ITFG1: variants seen among roughly 807,000 people sequenced by gnomAD.
The protein encoded by ITFG1 is integrin alpha FG-GAP repeat containing 1, also known as T-cell immunomodulatory protein.
Under a neutral mutation model 81.8 loss-of-function variants are expected in ITFG1, and 34 were observed. The ratio of observed to expected loss-of-function variants is 0.42; its 90% CI spans 0.32 to 0.55. The LOEUF is 0.55. Among genes scored for constraint, ITFG1 ranks in the 20% least tolerant of loss-of-function variants. The pLI is 0.17. For missense variants in ITFG1, 672 were observed against 755.4 expected (o/e 0.89, Z 1.29); for synonymous variants, 285 against 270.6 (o/e 1.05, Z -0.52).
intron 8 of ITFG1, among the ~76,000 whole-genome samples, chr16:47,337,494 C>T (rs144884151): frequency 9.4e-4 from 143 of 152,044 alleles, no homozygotes; most frequent in East Asian, 7.6e-3. Context: ...CACCTGAAAC[C>T]GGGAGGTGGA....
intron 6 of ITFG1, among the ~76,000 whole-genome samples, chr16:47,414,524 G>A (rs1024124817): frequency 3.3e-5 from 5 of 150,832 alleles, no homozygotes; most frequent in South Asian, 2.1e-4. Context: ...AGACTCTGTC[G>A]TAAAACAAAA....
chr16:47,419,038 T>G (rs1968908159), intron 6 of ITFG1, among the ~76,000 whole-genome samples: 1 of 152,236 alleles, frequency 6.6e-6, no homozygotes, highest in African/African-American at 2.4e-5. Context: ...AGATATCTAT[T>G]TTTAATCTAC....
chr16:47,238,594 T>C (rs1965900357), intron 12 of ITFG1, among the ~76,000 whole-genome samples: 1 of 152,146 alleles, frequency 6.6e-6, no homozygotes, highest in Non-Finnish European at 1.5e-5. Flanking sequence ...TTTATCTAAA[T>C]AATATGAGTT....
chr16:47,394,999 G>A (rs2151597138), intron 6 of ITFG1, among the ~76,000 whole-genome samples: 1 of 152,194 alleles, frequency 6.6e-6, no homozygotes, highest in Non-Finnish European at 1.5e-5. Context: ...TATACAATAT[G>A]AAGAGTCCAT....
In ITFG1 at chr16:47,365,671, T is replaced by C. The variant is rs138389577; in HGVS notation, c.802+117A>G. The C allele has an allele frequency of 7.7e-5, 48 of 620,580 alleles. No homozygotes were observed. The East Asian group carries it at 1.1e-3, about 15-fold the overall frequency. The allele number at this position is 620,580 out of a possible 1,614,324, so 38.4% of individuals were successfully genotyped here. A position where few individuals can be genotyped will look rare whatever the true frequency, so the allele number is the denominator to read the frequency against. On this transcript the variant is annotated intron_variant, in intron 8 of 17. Coordinates refer to ENST00000320640, the MANE Select transcript of ITFG1 (RefSeq NM_030790.5). ...GAATAGGCATCTTTTGAAGCTATAA[T>C]AGCTCTGAAGACCCTGGAGTTATTT...
At chr16:47,223,368 T>C (rs1965717026) in intron 13 of ITFG1, among the ~76,000 whole-genome samples, 2 of 152,018 alleles carry the variant, frequency 1.3e-5, no homozygotes, top group African/African-American at 4.8e-5. Context: ...GAATCTACAA[T>C]GAACTCAAAC....
chr16:47,195,456 AT>A (rs1965346663), intron 14 of ITFG1, among the ~76,000 whole-genome samples: 1 of 152,178 alleles, frequency 6.6e-6, no homozygotes, highest in African/African-American at 2.4e-5. Context: ...ATATGCCACA[AT>A]CACCTAGTAC....
intron 12 of ITFG1, among the ~76,000 whole-genome samples, chr16:47,240,392 C>A (rs569573467): frequency 2.0e-5 from 3 of 151,202 alleles, no homozygotes; most frequent in South Asian, 2.1e-4. Flanking sequence ...TACCTCCCTA[C>A]GTAAAATGTA....
At chr16:47,407,545 C>T (rs1968744224) in intron 6 of ITFG1, among the ~76,000 whole-genome samples, 1 of 152,076 alleles carries the variant, frequency 6.6e-6, no homozygotes, top group African/African-American at 2.4e-5. Flanking sequence ...TAGGGTTTTG[C>T]CATGTTGGCC....
At chr16:47,415,296 G>A (rs777567875) in intron 6 of ITFG1, among the ~76,000 whole-genome samples, 2 of 152,148 alleles carry the variant, frequency 1.3e-5, no homozygotes, top group Non-Finnish European at 2.9e-5. Flanking sequence ...GTCGACTTTA[G>A]GTAACAGATG....
At chr16:47,203,257 C>T (rs931938118) in intron 14 of ITFG1, among the ~76,000 whole-genome samples, 3 of 152,142 alleles carry the variant, frequency 2.0e-5, no homozygotes, top group Admixed American at 6.5e-5. Context: ...AGACAAATAC[C>T]GTGTGATTCC....
rs1327616272 is a variant in ITFG1 at position 47,293,103 on chromosome 16, TATG to T, written c.1070+18134_1070+18136del. Among the ~76,000 whole-genome samples, 3 of 147,656 alleles carry T rather than the reference TATG, an allele frequency of 2.0e-5. No individual in the cohort carries two copies. The East Asian group carries it at 5.8e-4, about 29-fold the overall frequency. On this transcript the variant is annotated intron_variant, in intron 10 of 17. Coordinates refer to ENST00000320640, the MANE Select transcript of ITFG1 (RefSeq NM_030790.5). Reference sequence around the variant, plus strand: ...ATGTATGTGTATATATGTATATACATATGATATATATCATATACAAGCATGATA... The same window carrying T: ...ATGTATGTGTATATATGTATATACATATATATATCATATACAAGCATGATA...
intron 8 of ITFG1, among the ~76,000 whole-genome samples, chr16:47,358,029 T>G (rs1446721076): frequency 1.3e-5 from 2 of 152,322 alleles, no homozygotes; most frequent in East Asian, 3.9e-4. Context: ...CTGTGGTAAC[T>G]ATTGCACTGC....
intron 10 of ITFG1, chr16:47,263,000 G>A (rs186045941): frequency 4.3e-5 from 8 of 186,700 alleles, no homozygotes; most frequent in South Asian, 1.2e-4. Context: ...ACCCCTACCC[G>A]AAGCCATCAT....
intron 17 of ITFG1, 67 bp from the exon 18 acceptor site, chr16:47,155,845 A>C: frequency 9.0e-7 from 1 of 1,116,214 alleles, no homozygotes; most frequent in South Asian, 1.4e-5. Flanking sequence ...CATTTCTGAA[A>C]TACACAGTGA....
intron 10 of ITFG1, among the ~76,000 whole-genome samples, chr16:47,271,119 C>A (rs1966334637): frequency 2.0e-5 from 3 of 151,958 alleles, no homozygotes; most frequent in South Asian, 4.1e-4. Context: ...ATAAAAATAA[C>A]AAAAATAAAC....
At chr16:47,187,199 C>T (rs1022302982) in intron 14 of ITFG1, among the ~76,000 whole-genome samples, 155 of 152,216 alleles carry the variant, frequency 1.0e-3, no homozygotes, top group Non-Finnish European at 1.5e-3. Flanking sequence ...AGGTAATTTA[C>T]AGATTCAATG....
intron 6 of ITFG1, among the ~76,000 whole-genome samples, chr16:47,403,795 C>T (rs1968693343): frequency 6.6e-6 from 1 of 151,354 alleles, no homozygotes; most frequent in African/African-American, 2.4e-5. Flanking sequence ...CACACACACA[C>T]ACACACACAC....
At chr16:47,185,891 G>A (rs1198928477) in intron 14 of ITFG1, among the ~76,000 whole-genome samples, 1 of 151,790 alleles carries the variant, frequency 6.6e-6, no homozygotes, top group Admixed American at 6.6e-5. Context: ...AAAGAGAGAA[G>A]AATCAAATAG....
Sources: gnomAD v4.1 joint callset for allele counts (sites outside exome capture counted in the v4.1 genomes callset) on GRCh38, gnomAD v4.1.1 for gene constraint, MANE v1.5 for transcripts, NCBI Gene and HGNC (gene_info 2026-07-23, HGNC 2026-07-21) for gene names.